Variants in RAD50 observed in about 807,000 individuals in gnomAD.
RAD50 encodes RAD50 double strand break repair protein.
A neutral mutation model predicts 168.8 loss-of-function variants in RAD50; 132 were observed. The observed-to-expected ratio is 0.78, with a 90% CI of 0.68 to 0.90. The LOEUF is 0.90. Ranked by LOEUF, RAD50 falls within the 40% of genes least tolerant of loss-of-function variation. RAD50 has a pLI of 0.00. For missense variants in RAD50, 1,347 were observed against 1,534.4 expected (o/e 0.88, Z 2.04); for synonymous variants, 525 against 497.4 (o/e 1.06, Z -0.74).
rs1317794633 is a variant in RAD50, at chr5:132,588,672, T to C, written c.1052-15T>C. ...ACCAGTTGAAAAAAAAATTATGAGA[T>C]TTTTTTTTTAAAAGGTCGTCTACAG... On this transcript the variant is annotated splice_polypyrimidine_tract_variant and intron_variant, in intron 7 of 24. Coordinates refer to ENST00000378823, the MANE Select transcript of RAD50 (RefSeq NM_005732.4). 6 of 1,500,134 alleles carry C rather than the reference T, an allele frequency of 4.0e-6. No homozygotes were observed. The South Asian group carries it at 7.3e-5, about 18-fold the overall frequency. The allele number at this position is 1,500,134 out of a possible 1,614,324, so 92.9% of individuals were successfully genotyped here. A position where few individuals can be genotyped will look rare whatever the true frequency, so the allele number is the denominator to read the frequency against.
rs2149865456 is a variant in RAD50 at position 132,640,652 on chromosome 5, A to G, written c.3619-20A>G. 1 of 1,614,158 alleles carries G rather than the reference A, an allele frequency of 6.2e-7. No homozygotes were observed. Among genetic ancestry groups the G allele is most frequent in the Non-Finnish European group, 8.5e-7 (1 of 1,180,008 alleles). ...TGAGAAGGTCTGTGCTGGGCTTCTC[A>G]CATAGGGGCTTTTTTCCAGGTATTA... On this transcript the variant is annotated intron_variant, in intron 23 of 24. Coordinates refer to ENST00000378823, the MANE Select transcript of RAD50 (RefSeq NM_005732.4).
chr5:132,616,662 A>C (rs912703440), intron 20 of RAD50, among the ~76,000 whole-genome samples: 1 of 152,202 alleles, frequency 6.6e-6, no homozygotes, highest in Non-Finnish European at 1.5e-5. Flanking sequence ...AAAAGATTTT[A>C]TTCCTGCCTT....
intron 24 of RAD50, chr5:132,641,887 G>A: frequency 2.5e-6 from 1 of 400,124 alleles, no homozygotes; most frequent in Non-Finnish European, 4.5e-6. Flanking sequence ...ATTTATACCT[G>A]CTTTAGTGAG....
chr5:132,625,531 A>G (rs1443855898), intron 21 of RAD50, among the ~76,000 whole-genome samples: 4 of 152,196 alleles, frequency 2.6e-5, no homozygotes, highest in African/African-American at 7.2e-5. Context: ...CACCTCAAGC[A>G]TTTATCCTTC....
At chr5:132,572,051 G>A (rs545392165) in intron 2 of RAD50, among the ~76,000 whole-genome samples, 1 of 152,208 alleles carries the variant, frequency 6.6e-6, no homozygotes, top group African/African-American at 2.4e-5. Flanking sequence ...AGGACGTACT[G>A]GGACAAGTGA....
chr5:132,557,727 T>G (rs1413444279), intron 1 of RAD50, among the ~76,000 whole-genome samples: 1 of 152,150 alleles, frequency 6.6e-6, no homozygotes, highest in Non-Finnish European at 1.5e-5. Flanking sequence ...AGAGTTCAGT[T>G]CCCACTGGAT....
At chr5:132,631,110 G>C (rs1412967790) in intron 21 of RAD50, among the ~76,000 whole-genome samples, 1 of 149,502 alleles carries the variant, frequency 6.7e-6, no homozygotes, top group Non-Finnish European at 1.5e-5. Flanking sequence ...AGCTCCGAGA[G>C]AGTCTCACTT....
At chr5:132,631,114 C>T (rs1388189660) in intron 21 of RAD50, among the ~76,000 whole-genome samples, 1 of 146,394 alleles carries the variant, frequency 6.8e-6, no homozygotes, top group Admixed American at 6.8e-5. Context: ...CCGAGAGAGT[C>T]TCACTTTTTT....
intron 11 of RAD50, among the ~76,000 whole-genome samples, chr5:132,594,266 A>T (rs915270088): frequency 6.6e-6 from 1 of 152,194 alleles, no homozygotes; most frequent in Non-Finnish European, 1.5e-5. Context: ...AATACATTAA[A>T]TTGATTACAT....
rs1267767598 is a variant in RAD50, at chr5:132,644,827, A to G, written c.*2463A>G. On this transcript the variant is annotated 3_prime_UTR_variant, in exon 25 of 25. Transcript: ENST00000378823. ...GCTCTGTCACCCAGGCTGGAGTGCA[A>G]TGGCACCATCTCAGCTCACTGCAAC... The G allele has an allele frequency of 4.5e-5, 7 of 154,196 alleles. No homozygotes were observed. The highest frequency in any genetic ancestry group is 3.3e-4 in the Admixed American group (5 of 15,296). The allele number at this position is 154,196 out of a possible 1,614,324, so 9.6% of individuals were successfully genotyped here.
At chr5:132,604,767 C>A (rs189596802) in intron 15 of RAD50, 39 bp from the exon 16 acceptor site, 3 of 1,449,666 alleles carry the variant, frequency 2.1e-6, no homozygotes, top group Admixed American at 1.8e-5. Flanking sequence ...ATTTTCTATG[C>A]CCTTACATTA....
intron 21 of RAD50, among the ~76,000 whole-genome samples, chr5:132,623,428 C>T (rs1229847739): frequency 2.6e-5 from 4 of 152,140 alleles, no homozygotes; most frequent in Middle Eastern, 3.2e-3. Context: ...TTGCAGTGAG[C>T]CAAGATTGCA....
rs1191613845 is a variant in RAD50 at position 132,595,361 on chromosome 5, G to A, written c.1970-212G>A. Reference sequence around the variant, plus strand: ...GTAGGCATTTTGTTATACTTATAATGTGTTACCAAAAAATATTTATACAAA... The same window carrying A: ...GTAGGCATTTTGTTATACTTATAATATGTTACCAAAAAATATTTATACAAA... On this transcript the variant is annotated intron_variant, in intron 12 of 24. Transcript: ENST00000378823. 17 of 495,392 alleles carry A rather than the reference G, an allele frequency of 3.4e-5. No homozygotes were observed. In the South Asian group the frequency reaches 4.7e-4, roughly 14 times the overall value. The allele number at this position is 495,392 out of a possible 1,614,324, so 30.7% of individuals were successfully genotyped here. A position where few individuals can be genotyped will look rare whatever the true frequency, so the allele number is the denominator to read the frequency against.
intron 11 of RAD50, among the ~76,000 whole-genome samples, chr5:132,592,237 G>A (rs1442345037): frequency 6.6e-6 from 1 of 152,100 alleles, no homozygotes; most frequent in Non-Finnish European, 1.5e-5. Context: ...CTCAACATAA[G>A]CTCCATCAAG....
chr5:132,558,354 T>G (rs2548985), intron 1 of RAD50, among the ~76,000 whole-genome samples: 9,172 of 149,884 alleles, frequency 0.061, 825 homozygotes, highest in African/African-American at 0.21. Flanking sequence ...AGTTGTCTGA[T>G]TGTTTGCGAG....
chr5:132,624,805 C>A (rs976070608), intron 21 of RAD50, among the ~76,000 whole-genome samples: 41 of 136,318 alleles, frequency 3.0e-4, no homozygotes, highest in African/African-American at 1.1e-3. Flanking sequence ...AAGCCCGTGG[C>A]GGGTTGCAAT....
chr5:132,579,336 C>A lies in RAD50; in HGVS notation c.385C>A (p.Leu129Met). 1 of 1,613,868 alleles carries A rather than the reference C, an allele frequency of 6.2e-7. No individual in the cohort carries two copies. Among genetic ancestry groups the A allele is most frequent in the South Asian group, 1.1e-5 (1 of 91,062 alleles). Residue 129 changes from leucine to methionine, a missense_variant, in exon 4 of 25, where the codon CTG becomes ATG. Around this residue, in one of 3 missense-constraint regions of RAD50, gnomAD observed 703 missense variants for 767.7 expected, o/e 0.92. Coordinates refer to ENST00000378823, the MANE Select transcript of RAD50 (RefSeq NM_005732.4). The part of the protein sequence containing the change: ...TRTKHGEKVS[L>M]SSKCAEIDRE... ...CTGTAGGCATGGTGAAAAGGTCAGT[C>A]TGAGCTCTAAGTGTGCAGAAATTGA...
At chr5:132,608,167 A>G (rs964294165) in intron 16 of RAD50, among the ~76,000 whole-genome samples, 3 of 152,222 alleles carry the variant, frequency 2.0e-5, no homozygotes, top group Non-Finnish European at 4.4e-5. Flanking sequence ...TCTGAAAAAG[A>G]AAAGTCTGGA....
At chr5:132,588,602 A>AT in intron 7 of RAD50, 85 bp from the exon 8 acceptor site, 1 of 1,363,842 alleles carries the variant, frequency 7.3e-7, no homozygotes, top group Non-Finnish European at 1.0e-6. Flanking sequence ...ACACTGCATT[A>AT]TTTTTTATAA....
Sources: allele counts gnomAD v4.1 joint callset (sites outside exome capture counted in the v4.1 genomes callset), GRCh38; gene constraint gnomAD v4.1.1; regional missense constraint gnomAD v4.1.1; transcripts MANE v1.5; gene names NCBI Gene and HGNC (gene_info 2026-07-23, HGNC 2026-07-21).